Variants in CENPC observed in about 807,000 individuals in gnomAD.
CENPC encodes centromere protein C.
A neutral mutation model predicts 112.1 loss-of-function variants in CENPC; 63 were observed. That is an observed-to-expected ratio of 0.56 (90% CI 0.46 to 0.69). The LOEUF is 0.69. Ranked by LOEUF, CENPC falls within the 30% of genes least tolerant of loss-of-function variation. The pLI is 0.00. For synonymous variants in CENPC, 333 were observed against 367.6 expected, an observed-to-expected ratio of 0.91 and a Z score of 1.08; for missense variants, 1,000 against 1,103.8, an observed-to-expected ratio of 0.91 and a Z score of 1.33.
chr4:67,480,262 T>C (rs1724917154), intron 17 of CENPC, among the ~76,000 whole-genome samples: 1 of 151,794 alleles, frequency 6.6e-6, no homozygotes, highest in Non-Finnish European at 1.5e-5. Flanking sequence ...GAGGTTACAG[T>C]GAGCTGAAAT....
Position 67,540,609 on chromosome 4 carries a change from G to T in CENPC, c.136+371C>A, listed in dbSNP as rs540066685. Among the ~76,000 whole-genome samples the T allele has an allele frequency of 5.3e-5, 8 of 152,312 alleles. No individual in the cohort carries two copies. In the East Asian group the frequency reaches 1.5e-3, roughly 29 times the overall value. ...CACTTGAACCTGGGAGGCAAAGGTT[G>T]CAGTGAGTTGAGATAGCACCACTGT... On this transcript the variant is annotated intron_variant, in intron 3 of 18. Transcript: ENST00000273853.
At chr4:67,541,108 C>T in intron 2 of CENPC, 58 bp from the exon 3 acceptor site, 1 of 1,092,622 alleles carries the variant, frequency 9.2e-7, no homozygotes, top group Admixed American at 2.3e-5. Context: ...ATATTACCAT[C>T]TCTTTGAAAA....
Position 67,544,141 on chromosome 4 carries a change from TA to T in CENPC, c.65+7del. The T allele has an allele frequency of 6.9e-7, 1 of 1,447,478 alleles. No individual in the cohort carries two copies. The highest frequency in any genetic ancestry group is 9.7e-7 in the Non-Finnish European group (1 of 1,031,052). 89.7% of individuals were successfully genotyped at this position (1,447,478 alleles called of 1,614,324 possible). A position where few individuals can be genotyped will look rare whatever the true frequency, so the allele number is the denominator to read the frequency against. The stretch of plus-strand genomic sequence containing the variant: ...AAATAATCTTAAAAGCTTAAGTACG[TA>T]AATCACCTGGAAGGTCGACAAAATC... On this transcript the variant is annotated splice_region_variant and intron_variant, in intron 2 of 18. Transcript: ENST00000273853.
chr4:67,534,631 G>C (rs1426033442), intron 4 of CENPC, among the ~76,000 whole-genome samples: 1 of 152,154 alleles, frequency 6.6e-6, no homozygotes, highest in African/African-American at 2.4e-5. Context: ...AGTTAGACTT[G>C]AACCGCCAAG....
chr4:67,518,171 C>T lies in CENPC; in HGVS notation c.815G>A (p.Arg272Gln), dbSNP rs989407976. The T allele has an allele frequency of 4.3e-5, 66 of 1,535,308 alleles. No individual in the cohort carries two copies. The highest frequency in any genetic ancestry group is 3.7e-4 in the Admixed American group (18 of 48,276). ...AATAACTCACCTGGATTCACTTTTT[C>T]GTTTTACTGTTTCTAAAAACAATGT... Reference protein sequence around the residue: ...FSTLFLETVKRKSESSPIVRH... With the variant: ...FSTLFLETVKQKSESSPIVRH... The change falls in exon 7 of 19, where the codon CGA (arginine) becomes CAA (glutamine). Residue 272 changes from arginine to glutamine, a missense_variant. Transcript: ENST00000273853.
chr4:67,491,003 C>T (rs1227578306), intron 16 of CENPC, among the ~76,000 whole-genome samples: 1 of 150,514 alleles, frequency 6.6e-6, no homozygotes, highest in African/African-American at 2.4e-5. Flanking sequence ...AGTTAAGACA[C>T]TAAACAAAAC....
intron 17 of CENPC, among the ~76,000 whole-genome samples, chr4:67,489,017 A>T (rs1033984624): frequency 1.3e-5 from 2 of 151,972 alleles, no homozygotes; most frequent in African/African-American, 4.8e-5. Flanking sequence ...ATACTTTAGT[A>T]GCACAATTTC....
chr4:67,479,440 G>A (rs146773723), intron 17 of CENPC, among the ~76,000 whole-genome samples: 3 of 152,170 alleles, frequency 2.0e-5, no homozygotes, highest in East Asian at 3.9e-4. Flanking sequence ...CAAGCAAATA[G>A]ATGGAAATTA....
rs369416101 is a variant in CENPC, at chr4:67,514,649, G to A, written c.869C>T (p.Ser290Leu). The change falls in exon 8 of 19, where the codon TCG becomes TTG. Residue 290 changes from serine (S) to leucine (L), a missense_variant. Transcript: ENST00000273853. The stretch of plus-strand genomic sequence containing the variant: ...CAACTTCGTATCATCGGGAGGACAC[G>A]AATGAGGTGGAGCAGTTGCCGCATG... Reference protein sequence around the residue: ...VRHAATAPPHSCPPDDTKLIE... With the variant: ...VRHAATAPPHLCPPDDTKLIE... 8.1e-5 allele frequency: 130 copies of A among 1,608,380 alleles called. No homozygotes were observed. The highest frequency in any genetic ancestry group is 3.7e-4 in the Middle Eastern group (2 of 5,344).
intron 4 of CENPC, among the ~76,000 whole-genome samples, chr4:67,535,220 C>T (rs1726681704): frequency 6.6e-6 from 1 of 151,946 alleles, no homozygotes; most frequent in Admixed American, 6.6e-5. Flanking sequence ...AATTACCCAT[C>T]ATGAAGGTAA....
chr4:67,508,848 C>T lies in CENPC; in HGVS notation c.1870G>A (p.Asp624Asn). ...LSEPLESDEA[D>N]LAKKKNLDCS... Reference sequence around the variant, plus strand: ...TCAAGATTTTTCTTCTTAGCCAAGTCTGCCTCATCACTTTCCAATGGCTCA... The same window carrying T: ...TCAAGATTTTTCTTCTTAGCCAAGTTTGCCTCATCACTTTCCAATGGCTCA... Residue 624 changes from aspartate (D) to asparagine (N), a missense_variant, in exon 10 of 19, where the codon GAC becomes AAC. Asp to Asn is a conservative substitution (Grantham distance 23). Transcript: ENST00000273853. 1 of 1,613,500 alleles carries T rather than the reference C, an allele frequency of 6.2e-7. No individual in the cohort carries two copies. The highest frequency in any genetic ancestry group is 8.5e-7 in the Non-Finnish European group (1 of 1,179,684).
At position 67,540,271 on chromosome 4, in the gene CENPC, G is replaced by C. The variant is rs116191465; in HGVS notation, c.137-337C>G. 6.3e-3 allele frequency among the ~76,000 whole-genome samples: 962 copies of C among 152,272 alleles called. 12 individuals carry two copies. The highest frequency in any genetic ancestry group is 0.022 in the African/African-American group (931 of 41,550). On this transcript the variant is annotated intron_variant, in intron 3 of 18. Transcript: ENST00000273853. ...CTGATGCTAATCAGCACTTGGAAAA[G>C]TTTTTGCTGTAATTTATGACTTCCT...
In CENPC at chr4:67,506,855, T is replaced by A; in HGVS notation, c.1984A>T (p.Thr662Ser). The change falls in exon 11 of 19, where the codon ACA (threonine) becomes TCA (serine). Residue 662 changes from threonine to serine, a missense_variant. By Grantham distance (58) the Thr-to-Ser change is moderately conservative (BLOSUM62 1). Coordinates refer to ENST00000273853, the MANE Select transcript of CENPC (RefSeq NM_001812.4). ...VPLKPQTSGY[T>S]CNIPTESNLD... ...TTTGACTCTGTTGGTATATTACATG[T>A]ATATCCACTGGTCTGAGGCTTTAGG... is the stretch of plus-strand genomic sequence containing the variant. 1.2e-6 allele frequency: 2 copies of A among 1,612,332 alleles called. No homozygotes were observed. Among genetic ancestry groups the A allele is most frequent in the Non-Finnish European group, 1.7e-6 (2 of 1,178,846 alleles).
Position 67,509,215 on chromosome 4 carries a change from C to T in CENPC, c.1613-110G>A, listed in dbSNP as rs774298594. The T allele has an allele frequency of 1.6e-4, 10 of 62,594 alleles. No individual in the cohort carries two copies. The East Asian group carries it at 2.9e-3, about 18-fold the overall frequency. The allele number at this position is 62,594 out of a possible 1,614,324, so 3.9% of individuals were successfully genotyped here. A position where few individuals can be genotyped will look rare whatever the true frequency, so the allele number is the denominator to read the frequency against. ...ATATAAACATATACACATACACACA[C>T]ACACACACACACACACACACACACA... is the stretch of plus-strand genomic sequence containing the variant. On this transcript the variant is annotated intron_variant, in intron 9 of 18. Transcript: ENST00000273853.
intron 11 of CENPC, among the ~76,000 whole-genome samples, chr4:67,505,627 T>C (rs1488649853): frequency 6.6e-6 from 1 of 152,198 alleles, no homozygotes; most frequent in Non-Finnish European, 1.5e-5. Context: ...ATAGTTGTTA[T>C]ACTGTATTTT....
At chr4:67,509,297 A>G (rs998651627) in intron 9 of CENPC, among the ~76,000 whole-genome samples, 192 bp from the exon 10 acceptor site, 1 of 151,664 alleles carries the variant, frequency 6.6e-6, no homozygotes, top group African/African-American at 2.4e-5. Flanking sequence ...TCTTTAAACA[A>G]TGTAGCTCTT....
intron 14 of CENPC, chr4:67,493,281 G>A (rs969921312): frequency 5.1e-6 from 1 of 194,788 alleles, no homozygotes; most frequent in Non-Finnish European, 1.0e-5. Flanking sequence ...AAAAAAAAAG[G>A]AGGGGGCTAG....
intron 17 of CENPC, among the ~76,000 whole-genome samples, chr4:67,483,637 C>G (rs1725011306): frequency 6.6e-6 from 1 of 151,892 alleles, no homozygotes; most frequent in African/African-American, 2.4e-5. Context: ...TAGGAGATGA[C>G]AGCTCCATGT....
Position 67,512,433 on chromosome 4 carries a change from T to A in CENPC, c.1581A>T (p.Pro527=). 2 of 1,600,202 alleles carry A rather than the reference T, an allele frequency of 1.2e-6. No individual in the cohort carries two copies. Among genetic ancestry groups the A allele is most frequent in the South Asian group, 2.3e-5 (2 of 87,892 alleles). The change falls in exon 9 of 19, where the codon CCA becomes CCT. Residue 527 remains proline, a synonymous_variant. Transcript: ENST00000273853. ...CTGATTTTACCACCCACCAATCAGA[T>A]GGACGCCTGGAAATTCTTCGACTTT... ...VTKSRRISRR[P]SDWWVVKSEE...
Sources: allele counts gnomAD v4.1 joint callset (sites outside exome capture counted in the v4.1 genomes callset), GRCh38; gene constraint gnomAD v4.1.1; transcripts MANE v1.5; gene names NCBI Gene and HGNC (gene_info 2026-07-23, HGNC 2026-07-21).